Variants in MIAT observed in about 807,000 individuals in gnomAD.
MIAT encodes MI related novel mRNA.
chr22:26,667,956 T>A (rs1343412127), intron 5 of MIAT: 2 of 375,598 alleles, frequency 5.3e-6, no homozygotes, highest in Non-Finnish European at 9.4e-6. Flanking sequence ...CAGGTGGGAG[T>A]CACTGTGCCT....
At chr22:26,653,626 T>A (rs564499534) in intron 2 of MIAT, among the ~76,000 whole-genome samples, 1 of 152,304 alleles carries the variant, frequency 6.6e-6, no homozygotes, top group East Asian at 1.9e-4. Context: ...AAATCATCTA[T>A]GTTTTGTGAA....
chr22:26,668,803 C>G (rs1420520231), exon 6 of MIAT: 3 of 398,952 alleles, frequency 7.5e-6, no homozygotes, highest in Non-Finnish European at 1.3e-5. Context: ...AAAGAGGAGA[C>G]AGTCAGGATC....
At chr22:26,669,655 G>T (rs774622257) in exon 6 of MIAT, 1 of 398,782 alleles carries the variant, frequency 2.5e-6, no homozygotes, top group East Asian at 3.6e-5. Flanking sequence ...GGTGGTCACC[G>T]CAAACATGGA....
At chr22:26,657,324 C>T in intron 2 of MIAT, 2 of 395,852 alleles carry the variant, frequency 5.1e-6, no homozygotes, top group Non-Finnish European at 8.9e-6. Context: ...CCGGTTGCAC[C>T]CCGCTTTCCT....
downstream of MIAT, chr22:26,670,198 G>A (rs1930993442): frequency 5.0e-6 from 2 of 398,218 alleles, no homozygotes; most frequent in Non-Finnish European, 4.4e-6. Flanking sequence ...CATGGCCTCC[G>A]TAGTAACTCA....
chr22:26,667,411 CGTGTATGT>C (rs1031194552), intron 5 of MIAT: 35 of 368,918 alleles, frequency 9.5e-5, no homozygotes, highest in Admixed American at 2.0e-4. Context: ...TGTGTGTGCG[CGTGTATGT>C]GTGTGTATGC....
At chr22:26,668,154 C>T (rs907724979) in intron 5 of MIAT, 5 of 398,496 alleles carry the variant, frequency 1.3e-5, no homozygotes, top group African/African-American at 1.0e-4. Context: ...GTCTTCTCCC[C>T]CAGGTGGCTC....
exon 5 of MIAT, chr22:26,675,930 T>C (rs1274597770): frequency 1.5e-5 from 6 of 398,572 alleles, no homozygotes; most frequent in Non-Finnish European, 2.7e-5. Context: ...TTGGCGATGG[T>C]TGTGAGATTC....
At chr22:26,647,486 G>A (rs988307055) in intron 2 of MIAT, 31 of 387,202 alleles carry the variant, frequency 8.0e-5, no homozygotes, top group Non-Finnish European at 1.1e-4. Flanking sequence ...GCCCCAGAAG[G>A]AGCGGGGCCC....
rs369940595 is a variant in MIAT, at chr22:26,654,797, C to T, written n.646+7486C>T. Reference sequence around the variant, plus strand: ...CGTGATCTTGGCTCACTGCAAGCTCCGCCTCCTGGGTTCACGCCATTCTCC... The same window carrying T: ...CGTGATCTTGGCTCACTGCAAGCTCTGCCTCCTGGGTTCACGCCATTCTCC... On this transcript the variant is annotated intron_variant and non_coding_transcript_variant, in intron 2 of 5. Transcript: ENST00000643270. Among the ~76,000 whole-genome samples the T allele has an allele frequency of 7.9e-5, 12 of 152,156 alleles. No individual in the cohort carries two copies. The East Asian group carries it at 9.7e-4, about 12-fold the overall frequency.
At chr22:26,656,424 G>T (rs1252119176) in intron 2 of MIAT, among the ~76,000 whole-genome samples, 1 of 150,692 alleles carries the variant, frequency 6.6e-6, no homozygotes, top group Non-Finnish European at 1.5e-5. Flanking sequence ...TCCCGGGTTC[G>T]AGTGATTCTA....
At chr22:26,650,298 A>G (rs1930314653) in intron 2 of MIAT, 1 of 152,236 alleles carries the variant, frequency 6.6e-6, no homozygotes, top group East Asian at 1.9e-4. Context: ...AGGCCTCAGG[A>G]GAAGTTGACC....
chr22:26,657,648 A>G (rs1309328407), intron 2 of MIAT: 1 of 398,682 alleles, frequency 2.5e-6, no homozygotes, highest in Non-Finnish European at 4.4e-6. Context: ...AGGACCGCGG[A>G]CCCGAGGTAA....
intron 2 of MIAT, among the ~76,000 whole-genome samples, chr22:26,659,836 C>CTTTTT (rs1359529004): frequency 1.1e-4 from 9 of 81,306 alleles, no homozygotes; most frequent in East Asian, 5.4e-4. Flanking sequence ...TTCTTTCTTT[C>CTTTTT]TTTCTTTTTT....
At chr22:26,666,226 C>T in exon 4 of MIAT, 1 of 398,636 alleles carries the variant, frequency 2.5e-6, no homozygotes, top group Non-Finnish European at 4.4e-6. Context: ...AAAAACAAAA[C>T]CTGGCAGATG....
At chr22:26,666,275 C>T in exon 4 of MIAT, 1 of 398,638 alleles carries the variant, frequency 2.5e-6, no homozygotes, top group Non-Finnish European at 4.4e-6. Context: ...CTGGTCTTCT[C>T]CAGACTGGTG....
chr22:26,650,901 G>GT (rs1429292092), intron 2 of MIAT, among the ~76,000 whole-genome samples: 1 of 152,186 alleles, frequency 6.6e-6, no homozygotes, highest in East Asian at 1.9e-4. Context: ...GCTGACCTCG[G>GT]ATAAGTCACT....
intron 2 of MIAT, among the ~76,000 whole-genome samples, chr22:26,659,155 C>T (rs1398489337): frequency 7.2e-5 from 11 of 152,110 alleles, no homozygotes; most frequent in Admixed American, 7.2e-4. Context: ...TCATCCTCAT[C>T]CTGCAGGTGG....
chr22:26,668,994 T>C (rs1930953415), exon 6 of MIAT: 1 of 398,498 alleles, frequency 2.5e-6, no homozygotes, highest in Non-Finnish European at 4.4e-6. Flanking sequence ...AGGGAACCAG[T>C]CTTACCCAAA....
Sources: allele counts gnomAD v4.1 joint callset (sites outside exome capture counted in the v4.1 genomes callset), GRCh38; gene constraint gnomAD v4.1.1; transcripts MANE v1.5; gene names NCBI Gene and HGNC (gene_info 2026-07-23, HGNC 2026-07-21).